The following THPO variants were observed in gnomAD, a reference collection of about 807,000 sequenced individuals.
THPO encodes the protein thrombopoietin.
A neutral mutation model predicts 17.0 loss-of-function variants in THPO; 12 were observed. The ratio of observed to expected loss-of-function variants is 0.71; its 90% confidence interval spans 0.45 to 1.14. The LOEUF (loss-of-function observed/expected upper bound fraction) is 1.14. THPO is among the 50% of genes most tolerant of loss of function. The pLI is 0.00. For missense variants in THPO, 365 were observed against 427.5 expected, an observed-to-expected ratio of 0.85 and a Z score of 1.29; for synonymous variants, 188 against 183.0, an observed-to-expected ratio of 1.03 and a Z score of -0.22.
Position 184,372,747 on chromosome 3 carries a change from T to C in THPO, c.828A>G (p.Ser276=). The C allele has an allele frequency of 1.2e-6, 2 of 1,613,726 alleles. No homozygotes were observed. Among genetic ancestry groups the C allele is most frequent in the South Asian group, 2.2e-5 (2 of 91,072 alleles). Residue 276 remains serine, a synonymous_variant, in exon 6 of 6, where the codon TCA becomes TCG. Coordinates refer to ENST00000647395, the MANE Select transcript of THPO (RefSeq NM_000460.4). ...RRTLGAPDIS[S]GTSDTGSLPP... is the part of the protein sequence containing the mutation. ...GCAGGGAGCCTGTGTCTGATGTTCC[T>C]GAGGAAATGTCCGGGGCTCCTAGGG...
intron 3 of THPO, 68 bp from the exon 4 acceptor site, chr3:184,375,669 A>G: frequency 1.3e-6 from 2 of 1,549,312 alleles, no homozygotes; most frequent in Non-Finnish European, 1.8e-6. Flanking sequence ...CCTAATAAGC[A>G]GGCTAGTCCT....
Position 184,372,567 on chromosome 3 carries a change from G to A in THPO, c.1008C>T (p.Ser336=). 2.5e-6 allele frequency: 4 copies of A among 1,614,136 alleles called. No homozygotes were observed. The highest frequency in any genetic ancestry group is 1.1e-5 in the South Asian group (1 of 91,086). The change falls in exon 6 of 6, where the codon AGC becomes AGT. Residue 336 remains serine, a synonymous_variant. Coordinates refer to ENST00000647395, the MANE Select transcript of THPO (RefSeq NM_000460.4). ...DPSAPTPTPT[S]PLLNTSYTHS... is the part of the protein sequence containing the mutation. ...GGGTGTAGGATGTGTTTAGAAGAGG[G>A]CTGGTAGGGGTGGGCGTTGGAGCAG... is the stretch of plus-strand genomic sequence containing the variant.
In THPO at chr3:184,372,951, A is replaced by T. The variant is rs745621324; in HGVS notation, c.624T>A (p.Thr208=). Residue 208 remains threonine (T), a synonymous_variant, in exon 6 of 6, where the codon ACT becomes ACA. Coordinates refer to ENST00000647395, the MANE Select transcript of THPO (RefSeq NM_000460.4). ...CAGAGCCAGTAGTTCTGGCTGAGGC[A>T]GTGAAGTTTGTCTCCAACAATCCAG... ...RTSGLLETNF[T]ASARTTGSGL... 6.2e-7 allele frequency: 1 copy of T among 1,614,202 alleles called. No individual in the cohort carries two copies. Among genetic ancestry groups the T allele is most frequent in the Non-Finnish European group, 8.5e-7 (1 of 1,180,026 alleles).
intron 4 of THPO, among the ~76,000 whole-genome samples, chr3:184,374,357 A>C (rs1385587725): frequency 2.0e-5 from 3 of 152,248 alleles, no homozygotes; most frequent in African/African-American, 7.2e-5. Context: ...TGAAGGAAGA[A>C]GGGACGCTAG....
chr3:184,375,696 T>C (rs1172266690), intron 3 of THPO, 95 bp from the exon 4 acceptor site: 2 of 1,479,298 alleles, frequency 1.4e-6, no homozygotes, highest in Non-Finnish European at 1.9e-6. Context: ...GTACTATCTC[T>C]AGACGAGAGC....
chr3:184,373,065 G>A lies in THPO; in HGVS notation c.510C>T (p.Thr170=). The A allele has an allele frequency of 6.2e-7, 1 of 1,614,042 alleles. No individual in the cohort carries two copies. The change falls in exon 6 of 6, where the codon ACC becomes ACT. Residue 170 remains threonine (T), a synonymous_variant. Coordinates refer to ENST00000647395, the MANE Select transcript of THPO (RefSeq NM_000460.4). ...TGGGTGGGGCCCGCCTGACGCAGAG[G>A]GTGGACCCTCCTACAAGCATCAGGA... ...VRFLMLVGGS[T]LCVRRAPPTT...
At chr3:184,376,567 G>A (rs113151468) in intron 1 of THPO, among the ~76,000 whole-genome samples, 163 bp from the exon 2 acceptor site, 7 of 152,150 alleles carry the variant, frequency 4.6e-5, no homozygotes, top group African/African-American at 9.7e-5. Flanking sequence ...ATGGTGTGCC[G>A]GGTGCAGTGG....
chr3:184,372,918 C>A lies in THPO; in HGVS notation c.657G>T (p.Leu219=), dbSNP rs777315267. Residue 219 remains leucine, a synonymous_variant, in exon 6 of 6, where the codon CTG becomes CTT. Coordinates refer to ENST00000647395, the MANE Select transcript of THPO (RefSeq NM_000460.4). ...ASARTTGSGL[L]KWQQGFRAKI... is the part of the protein sequence containing the mutation. ...TGGCTCTGAATCCCTGCTGCCACTT[C>A]AGAAGCCCAGAGCCAGTAGTTCTGG... 2 of 1,613,804 alleles carry A rather than the reference C, an allele frequency of 1.2e-6. No individual in the cohort carries two copies. The highest frequency in any genetic ancestry group is 2.7e-5 in the African/African-American group (2 of 74,902).
chr3:184,376,618 G>A (rs532499595), intron 1 of THPO, among the ~76,000 whole-genome samples: 3 of 152,268 alleles, frequency 2.0e-5, no homozygotes, highest in East Asian at 3.9e-4. Context: ...TCCAAGGCGG[G>A]TGGATCACCT....
chr3:184,374,407 C>G (rs534394662), intron 4 of THPO, among the ~76,000 whole-genome samples: 24 of 152,244 alleles, frequency 1.6e-4, no homozygotes, highest in African/African-American at 5.8e-4. Flanking sequence ...AACTATTGCC[C>G]ATAAAACATG....
At chr3:184,379,251 A>G (rs1714768893), upstream of THPO, among the ~76,000 whole-genome samples, 1 of 152,016 alleles carries the variant, frequency 6.6e-6, no homozygotes, top group South Asian at 2.1e-4. Flanking sequence ...TGTGGGAGGG[A>G]GAGACAGGAG....
At chr3:184,376,131 C>T in intron 2 of THPO, 116 bp from the exon 3 acceptor site, 5 of 1,612,116 alleles carry the variant, frequency 3.1e-6, no homozygotes, top group South Asian at 1.1e-5. Flanking sequence ...CCCTCAGACC[C>T]CTTATTTTTG....
chr3:184,376,347 T>C lies in THPO; in HGVS notation c.-88A>G. 1 of 1,613,796 alleles carries C rather than the reference T, an allele frequency of 6.2e-7. No homozygotes were observed. Among genetic ancestry groups the C allele is most frequent in the Non-Finnish European group, 8.5e-7 (1 of 1,179,974 alleles). ...GGGGCCATGGAGGCGGCTTAGGCTC[T>C]TGCACTTCTGGGCAGAGTAGGGTGG... On this transcript the variant is annotated 5_prime_UTR_variant, in exon 2 of 6. Transcript: ENST00000647395.
Position 184,377,504 on chromosome 3 carries a change from C to G in THPO, c.-146+571G>C, listed in dbSNP as rs565189617. On this transcript the variant is annotated intron_variant, in intron 1 of 5. Coordinates refer to ENST00000647395, the MANE Select transcript of THPO (RefSeq NM_000460.4). ...ATAGCTCACACCTGCCTCCCTGCCC[C>G]CTTGGCAGAACCCCTTCCGGTTCCT... Among the ~76,000 whole-genome samples the G allele has an allele frequency of 1.1e-4, 16 of 152,290 alleles. 1 individual carries two copies. In the South Asian group the frequency reaches 3.3e-3, roughly 32 times the overall value.
chr3:184,379,294 GA>G (rs1714776147), upstream of THPO, among the ~76,000 whole-genome samples: 3 of 152,180 alleles, frequency 2.0e-5, no homozygotes, highest in Admixed American at 6.5e-5. Context: ...GGAACCAAGA[GA>G]AAGGAGGCTG....
chr3:184,376,320 C>T lies in THPO; in HGVS notation c.-61G>A. On this transcript the variant is annotated 5_prime_UTR_variant, in exon 2 of 6. Transcript: ENST00000647395. ...TTGGGGCCTCTCCCCTGAATCCTTCCTGGGGCCATGGAGGCGGCTTAGGCT... is the reference window on the plus strand; with the variant it reads ...TTGGGGCCTCTCCCCTGAATCCTTCTTGGGGCCATGGAGGCGGCTTAGGCT... 1 of 1,614,190 alleles carries T rather than the reference C, an allele frequency of 6.2e-7. No individual in the cohort carries two copies. The highest frequency in any genetic ancestry group is 8.5e-7 in the Non-Finnish European group (1 of 1,180,032).
chr3:184,375,541 T>C lies in THPO; in HGVS notation c.202A>G (p.Ser68Gly). The part of the protein sequence containing the change: ...TPVLLPAVDF[S>G]LGEWKTQMEE... ...ATCTGGGTTTTCCATTCTCCCAAGC[T>C]AAAGTCCACAGCAGGCAGCAGGACA... is the stretch of plus-strand genomic sequence containing the variant. The change falls in exon 4 of 6, where the codon AGC becomes GGC. Residue 68 changes from serine (S) to glycine (G), a missense_variant. By Grantham distance (56) the Ser-to-Gly change is moderately conservative. Transcript: ENST00000647395. 6.2e-7 allele frequency: 1 copy of C among 1,614,138 alleles called. No individual in the cohort carries two copies. Among genetic ancestry groups the C allele is most frequent in the Non-Finnish European group, 8.5e-7 (1 of 1,180,022 alleles).
At chr3:184,378,842 G>A (rs904756797), upstream of THPO, 2 of 985,252 alleles carry the variant, frequency 2.0e-6, no homozygotes, top group African/African-American at 3.5e-5. Context: ...TGCTTGTTCT[G>A]TCTCCGTCTT....
upstream of THPO, chr3:184,378,310 CCA>C (rs1293657674): frequency 3.0e-6 from 3 of 985,382 alleles, no homozygotes; most frequent in African/African-American, 5.2e-5. Flanking sequence ...ACTCCTCCAC[CCA>C]CACACACCAC....
Sources: gnomAD v4.1 joint callset for allele counts (sites outside exome capture counted in the v4.1 genomes callset) on GRCh38, gnomAD v4.1.1 for gene constraint, MANE v1.5 for transcripts, NCBI Gene and HGNC (gene_info 2026-07-23, HGNC 2026-07-21) for gene names.